The following CNTNAP2 variants were observed in gnomAD, a reference collection of about 807,000 sequenced individuals.
CNTNAP2 encodes contactin associated protein 2, also known as contactin-associated protein-like 2.
A neutral mutation model predicts 155.2 loss-of-function variants in CNTNAP2; 98 were observed. The ratio of observed to expected loss-of-function variants is 0.63; its 90% confidence interval spans 0.54 to 0.75. The LOEUF is 0.75. Among genes scored for constraint, CNTNAP2 ranks in the 30% least tolerant of loss-of-function variants. CNTNAP2 has a pLI of 0.00. For missense variants in CNTNAP2, 1,727 were observed against 1,688.1 expected, an observed-to-expected ratio of 1.02 and a Z score of -0.40; for synonymous variants, 651 against 631.2, an observed-to-expected ratio of 1.03 and a Z score of -0.47.
chr7:148,061,003 T>A (rs1399120492), intron 15 of CNTNAP2, among the ~76,000 whole-genome samples: 1 of 151,986 alleles, frequency 6.6e-6, no homozygotes, highest in African/African-American at 2.4e-5. Context: ...AAATTGAGAG[T>A]TTGAGACCAA....
At chr7:147,393,590 AT>A (rs1796759950) in intron 9 of CNTNAP2, among the ~76,000 whole-genome samples, 1 of 152,012 alleles carries the variant, frequency 6.6e-6, no homozygotes, top group Non-Finnish European at 1.5e-5. Context: ...ACTCTATTCA[AT>A]TTTATCTTGA....
In CNTNAP2 at chr7:148,300,212, C is replaced by T. The variant is rs115431207; in HGVS notation, c.3475+33086C>T. 2.7e-3 allele frequency among the ~76,000 whole-genome samples: 415 copies of T among 152,242 alleles called. 2 individuals carry two copies. The highest frequency in any genetic ancestry group is 9.5e-3 in the African/African-American group (395 of 41,536). ...ATCCTTGACATTGGATTCTTAAAAG[C>T]CTTATGGTTTCATGATAGGCCCTTT... is the stretch of plus-strand genomic sequence containing the variant. On this transcript the variant is annotated intron_variant, in intron 21 of 23. Transcript: ENST00000361727.
intron 14 of CNTNAP2, among the ~76,000 whole-genome samples, chr7:147,949,149 C>T (rs2116826884): frequency 6.6e-6 from 1 of 150,380 alleles, no homozygotes; most frequent in African/African-American, 2.5e-5. Context: ...TGCAGTGAGC[C>T]GAGAAGAACC....
At position 148,149,855 on chromosome 7, in the gene CNTNAP2, G is replaced by A. The variant is rs1325358600; in HGVS notation, c.2773+2146G>A. ...GCATGAGCCACCACTCCTGGCCTGT[G>A]TTGTTTTAATTTAGCAATTGTAAAA... On this transcript the variant is annotated intron_variant, in intron 17 of 23. Transcript: ENST00000361727. 5.9e-5 allele frequency among the ~76,000 whole-genome samples: 9 copies of A among 152,002 alleles called. 1 individual carries two copies. The highest frequency in any genetic ancestry group is 8.8e-5 in the Non-Finnish European group (6 of 67,998).
chr7:147,841,500 G>A (rs908609789), intron 13 of CNTNAP2, among the ~76,000 whole-genome samples: 1 of 152,082 alleles, frequency 6.6e-6, no homozygotes, highest in Non-Finnish European at 1.5e-5. Flanking sequence ...GTGTGCAAAG[G>A]CAATTAACAA....
At chr7:147,764,908 A>G (rs969854014) in intron 13 of CNTNAP2, among the ~76,000 whole-genome samples, 5 of 152,180 alleles carry the variant, frequency 3.3e-5, no homozygotes, top group African/African-American at 1.2e-4. Context: ...ATAAATCACA[A>G]CACCAGAAAC....
At chr7:146,863,420 A>G (rs918277934) in intron 3 of CNTNAP2, among the ~76,000 whole-genome samples, 2 of 152,114 alleles carry the variant, frequency 1.3e-5, no homozygotes, top group Non-Finnish European at 2.9e-5. Context: ...GATAAGAGGT[A>G]TGTCTTTCAT....
intron 21 of CNTNAP2, among the ~76,000 whole-genome samples, chr7:148,335,166 A>G (rs1798097029): frequency 6.6e-6 from 1 of 152,228 alleles, no homozygotes; most frequent in Non-Finnish European, 1.5e-5. Flanking sequence ...GGAAAGTCCA[A>G]GAAGGAAAGA....
At chr7:147,390,535 G>A (rs1796695286) in intron 9 of CNTNAP2, among the ~76,000 whole-genome samples, 1 of 152,018 alleles carries the variant, frequency 6.6e-6, no homozygotes, top group South Asian at 2.1e-4. Context: ...TTTCAAGATA[G>A]CAGACTCACA....
chr7:147,523,594 G>A (rs1562979469), intron 11 of CNTNAP2, among the ~76,000 whole-genome samples: 1 of 152,112 alleles, frequency 6.6e-6, no homozygotes, highest in Admixed American at 6.5e-5. Flanking sequence ...CCTCTTCCAG[G>A]AAGCTCCCTC....
intron 4 of CNTNAP2, among the ~76,000 whole-genome samples, chr7:147,060,638 C>T (rs1043480568): frequency 3.3e-5 from 5 of 151,690 alleles, no homozygotes; most frequent in South Asian, 2.1e-4. Flanking sequence ...CCGAGGCGGG[C>T]GGATCACGAG....
intron 1 of CNTNAP2, among the ~76,000 whole-genome samples, chr7:146,282,957 T>A (rs1048145171): frequency 2.6e-5 from 4 of 152,188 alleles, no homozygotes; most frequent in Non-Finnish European, 5.9e-5. Flanking sequence ...TAAAACATGA[T>A]CCTGAAACTA....
chr7:147,451,309 T>C (rs1239071681), intron 10 of CNTNAP2, among the ~76,000 whole-genome samples: 1 of 152,204 alleles, frequency 6.6e-6, no homozygotes, highest in Non-Finnish European at 1.5e-5. Flanking sequence ...GTCTATGAAT[T>C]TCTTGAGTAA....
chr7:147,516,618 A>ATGTG lies in CNTNAP2; in HGVS notation c.1777+30601_1777+30604dup, dbSNP rs10681580. Among the ~76,000 whole-genome samples, 1,276 of 149,930 alleles carry ATGTG rather than the reference A, an allele frequency of 8.5e-3. 22 individuals carry two copies. The highest frequency in any genetic ancestry group is 0.029 in the African/African-American group (1,206 of 40,976). ...TGTGTATGAGACAGAGAGAGAGAGA[A>ATGTG]TGTGTGTGTGTGTGTGTGTGTGTGT... is the stretch of plus-strand genomic sequence containing the variant. On this transcript the variant is annotated intron_variant, in intron 11 of 23. Coordinates refer to ENST00000361727, the MANE Select transcript of CNTNAP2 (RefSeq NM_014141.6).
At chr7:147,732,153 C>T (rs915269234) in intron 13 of CNTNAP2, among the ~76,000 whole-genome samples, 1 of 151,104 alleles carries the variant, frequency 6.6e-6, no homozygotes, top group Non-Finnish European at 1.5e-5. Context: ...TGGTCATTTA[C>T]ATTAGGTATA....
intron 1 of CNTNAP2, among the ~76,000 whole-genome samples, chr7:146,633,725 G>T (rs1360646202): frequency 1.3e-5 from 2 of 151,078 alleles, no homozygotes; most frequent in Non-Finnish European, 2.9e-5. Flanking sequence ...GCTACCTCGG[G>T]AGGCTGAGGC....
chr7:146,929,111 T>A (rs1184363261), intron 3 of CNTNAP2, among the ~76,000 whole-genome samples: 3 of 152,152 alleles, frequency 2.0e-5, no homozygotes, highest in Non-Finnish European at 2.9e-5. Context: ...CAGCTGGAGA[T>A]TTGAGAATGG....
At chr7:146,325,168 A>G (rs935826983) in intron 1 of CNTNAP2, among the ~76,000 whole-genome samples, 3 of 152,010 alleles carry the variant, frequency 2.0e-5, no homozygotes, top group Non-Finnish European at 4.4e-5. Context: ...TAGGCTCAAG[A>G]AATCCTCCTG....
chr7:146,513,758 G>A (rs1041394213), intron 1 of CNTNAP2, among the ~76,000 whole-genome samples: 3 of 151,490 alleles, frequency 2.0e-5, no homozygotes, highest in Non-Finnish European at 4.4e-5. Flanking sequence ...GAATTTGTCT[G>A]TGTACTTACT....
Sources: allele counts gnomAD v4.1 joint callset (sites outside exome capture counted in the v4.1 genomes callset), GRCh38; gene constraint gnomAD v4.1.1; transcripts MANE v1.5; gene names NCBI Gene and HGNC (gene_info 2026-07-23, HGNC 2026-07-21).